The following SRPK2 variants were observed in gnomAD, a reference collection of about 807,000 sequenced individuals.
SRPK2 encodes the protein SFRS protein kinase 2.
SRPK2 carries 21 observed loss-of-function variants against 90.8 expected under a neutral mutation model. The ratio of observed to expected loss-of-function variants is 0.23; its 90% CI spans 0.16 to 0.33. The LOEUF (loss-of-function observed/expected upper bound fraction) is 0.33, where lower values mean the gene tolerates loss of function less well. SRPK2 is among the 10% of genes least tolerant of loss of function. SRPK2 has a pLI of 1.00. For synonymous variants in SRPK2, 288 were observed against 311.1 expected (o/e 0.93, Z 0.78); for missense variants, 620 against 869.0 (o/e 0.71, Z 3.60).
chr7:105,170,883 GA>G lies in SRPK2; in HGVS notation c.230-1619del, dbSNP rs1192116330. Among the ~76,000 whole-genome samples, 117 of 106,508 alleles carry G rather than the reference GA, an allele frequency of 1.1e-3. 2 individuals are homozygous for G. Among genetic ancestry groups the G allele is most frequent in the Middle Eastern group, 9.0e-3 (2 of 222 alleles). The allele number at this position is 106,508 out of a possible 152,430, so 69.9% of individuals were successfully genotyped here. On this transcript the variant is annotated intron_variant, in intron 3 of 15. Coordinates refer to ENST00000393651, the MANE Select transcript of SRPK2 (RefSeq NM_182692.3). ...AGAAAGAAAGAAAGAAAGAAAGAAA[GA>G]AAGAAAGAAAGAAAGAAAGAAAGAA... is the stretch of plus-strand genomic sequence containing the variant.
At chr7:105,303,530 T>C (rs1810816317) in intron 2 of SRPK2, among the ~76,000 whole-genome samples, 1 of 152,102 alleles carries the variant, frequency 6.6e-6, no homozygotes, top group Admixed American at 6.5e-5. Flanking sequence ...ATCCACAAGA[T>C]TTATGGAAAT....
At chr7:105,261,055 C>T (rs1291319317) in intron 2 of SRPK2, among the ~76,000 whole-genome samples, 3 of 137,686 alleles carry the variant, frequency 2.2e-5, no homozygotes, top group African/African-American at 7.9e-5. Flanking sequence ...GTATGGAGTG[C>T]AAATGTGACC....
intron 2 of SRPK2, among the ~76,000 whole-genome samples, chr7:105,321,269 C>T (rs1166260242): frequency 6.6e-6 from 1 of 152,186 alleles, no homozygotes; most frequent in Non-Finnish European, 1.5e-5. Context: ...TGGGTATCCA[C>T]ATGCAGAAAA....
chr7:105,312,179 C>T (rs192409171), intron 2 of SRPK2, among the ~76,000 whole-genome samples: 11 of 152,268 alleles, frequency 7.2e-5, no homozygotes, highest in African/African-American at 2.4e-4. Context: ...CAGTGGCTCA[C>T]GCCTGTAATC....
chr7:105,263,792 T>G (rs1484096805), intron 2 of SRPK2, among the ~76,000 whole-genome samples: 1 of 152,110 alleles, frequency 6.6e-6, no homozygotes. Flanking sequence ...TTCAATAAAC[T>G]GTATTTCATA....
chr7:105,287,086 C>A (rs958440923), intron 2 of SRPK2, among the ~76,000 whole-genome samples: 17 of 150,920 alleles, frequency 1.1e-4, no homozygotes, highest in African/African-American at 3.9e-4. Context: ...ACGGTGAAAC[C>A]CCGTCTCTAC....
At position 105,372,131 on chromosome 7, in the gene SRPK2, A is replaced by T. The variant is rs139471460; in HGVS notation, c.71+16517T>A. On this transcript the variant is annotated intron_variant, in intron 2 of 15. Transcript: ENST00000393651. ...GCCTGGGTGACAGAGCAAGACTCCA[A>T]CTCATAAAAAAAAAAAAAAAAAAAA... Among the ~76,000 whole-genome samples, 702 of 117,020 alleles carry T rather than the reference A, an allele frequency of 6.0e-3. 11 individuals are homozygous for T. The highest frequency in any genetic ancestry group is 0.057 in the East Asian group (283 of 4,930). The allele number at this position is 117,020 out of a possible 152,430, so 76.8% of individuals were successfully genotyped here.
At chr7:105,388,585 C>G in intron 2 of SRPK2, 63 bp downstream of exon 2, 1 of 1,482,326 alleles carries the variant, frequency 6.7e-7, no homozygotes, top group East Asian at 2.7e-5. Flanking sequence ...TTCCCCTGCG[C>G]GGCCGCGGGC....
chr7:105,146,667 A>T lies in SRPK2; in HGVS notation c.622-9T>A. 6.2e-7 allele frequency: 1 copy of T among 1,613,364 alleles called. No homozygotes were observed. The highest frequency in any genetic ancestry group is 8.5e-7 in the Non-Finnish European group (1 of 1,179,540). On this transcript the variant is annotated splice_polypyrimidine_tract_variant and intron_variant, in intron 7 of 15. Coordinates refer to ENST00000393651, the MANE Select transcript of SRPK2 (RefSeq NM_182692.3). ...TCTAACCCTTGAAGGACCTGGATAT[A>T]GTAAAATCAAGAGAGAAGATAAGCT... is the stretch of plus-strand genomic sequence containing the variant.
intron 2 of SRPK2, among the ~76,000 whole-genome samples, chr7:105,344,343 G>A (rs930071623): frequency 6.7e-5 from 10 of 150,068 alleles, no homozygotes; most frequent in African/African-American, 2.0e-4. Context: ...GAACTCCTGG[G>A]CTCAAGTGAT....
intron 2 of SRPK2, among the ~76,000 whole-genome samples, chr7:105,296,782 A>G (rs1234199771): frequency 6.6e-6 from 1 of 152,204 alleles, no homozygotes; most frequent in East Asian, 1.9e-4. Flanking sequence ...GGGGCTTACT[A>G]CTTATTAGCT....
At chr7:105,362,968 A>C (rs956046192) in intron 2 of SRPK2, among the ~76,000 whole-genome samples, 5 of 151,872 alleles carry the variant, frequency 3.3e-5, no homozygotes, top group African/African-American at 1.2e-4. Flanking sequence ...GCATGTTCTC[A>C]CTCATAGGAA....
At chr7:105,356,318 A>G (rs902642474) in intron 2 of SRPK2, among the ~76,000 whole-genome samples, 3 of 152,314 alleles carry the variant, frequency 2.0e-5, no homozygotes, top group Middle Eastern at 3.4e-3. Flanking sequence ...ATCCTGGAGC[A>G]TGAAGGAAAC....
chr7:105,328,668 TCCTTG>T (rs1813893913), intron 2 of SRPK2, among the ~76,000 whole-genome samples: 1 of 148,040 alleles, frequency 6.8e-6, no homozygotes, highest in Admixed American at 6.8e-5. Flanking sequence ...ATCGAGACCA[TCCTTG>T]CTAACACGGT....
At chr7:105,383,608 C>T (rs1821207254) in intron 2 of SRPK2, among the ~76,000 whole-genome samples, 1 of 151,074 alleles carries the variant, frequency 6.6e-6, no homozygotes, top group East Asian at 2.0e-4. Context: ...TTAGTAGAGA[C>T]GGGGTTTCAC....
At chr7:105,324,010 T>TGTGTGTGTGTGTGTGGGTGG (rs950960322) in intron 2 of SRPK2, among the ~76,000 whole-genome samples, 1 of 148,860 alleles carries the variant, frequency 6.7e-6, no homozygotes, top group East Asian at 2.0e-4. Flanking sequence ...TGTGTGTGTG[T>TGTGTGTGTGTGTGTGGGTGG]GTGTGTGGTG....
intron 3 of SRPK2, among the ~76,000 whole-genome samples, chr7:105,181,130 C>T (rs1792733238): frequency 6.6e-6 from 1 of 152,188 alleles, no homozygotes; most frequent in Admixed American, 6.5e-5. Flanking sequence ...CTCAACATCA[C>T]TAATCATTAG....
intron 2 of SRPK2, among the ~76,000 whole-genome samples, chr7:105,302,816 C>T (rs1810707596): frequency 6.6e-6 from 1 of 152,034 alleles, no homozygotes; most frequent in Admixed American, 6.6e-5. Flanking sequence ...TAAAACATTT[C>T]TCTTGCATAT....
At chr7:105,170,851 GAAAGAA>G (rs1563025144) in intron 3 of SRPK2, among the ~76,000 whole-genome samples, 1 of 22,100 alleles carries the variant, frequency 4.5e-5, no homozygotes, top group East Asian at 1.2e-3. Flanking sequence ...AAGAAAGAAA[GAAAGAA>G]AGAAAGAAAG....
Sources: gnomAD v4.1 joint callset for allele counts (sites outside exome capture counted in the v4.1 genomes callset) on GRCh38, gnomAD v4.1.1 for gene constraint, MANE v1.5 for transcripts, NCBI Gene and HGNC (gene_info 2026-07-23, HGNC 2026-07-21) for gene names.